GPHN: variants seen among roughly 807,000 people sequenced by gnomAD.
GPHN encodes the protein gephyrin.
GPHN carries 17 observed loss-of-function variants against 95.5 expected under a neutral mutation model. The observed-to-expected ratio is 0.18, with a 90% CI of 0.12 to 0.27. The LOEUF (loss-of-function observed/expected upper bound fraction) is 0.27, where lower values mean the gene tolerates loss of function less well. Among genes scored for constraint, GPHN ranks in the 10% least tolerant of loss-of-function variants. GPHN has a pLI of 1.00. For missense variants in GPHN, 660 were observed against 978.1 expected (o/e 0.67, Z 4.34); for synonymous variants, 320 against 322.5 (o/e 0.99, Z 0.08).
the GPHN span, among the ~76,000 whole-genome samples, chr14:67,502,076 T>C: frequency 7.3e-4 from 111 of 152,324 alleles, no homozygotes; most frequent in African/African-American, 2.4e-3. Context: ...CTCACACTTG[T>C]AATACCAACA....
chr14:67,327,884 A>G, the GPHN span, among the ~76,000 whole-genome samples: 10 of 152,166 alleles, frequency 6.6e-5, no homozygotes, highest in East Asian at 1.9e-3. Flanking sequence ...AATCCAGTCT[A>G]TCATTGATTT....
At chr14:67,733,341 G>C in the GPHN span, among the ~76,000 whole-genome samples, 1 of 152,166 alleles carries the variant, frequency 6.6e-6, no homozygotes, top group Admixed American at 6.5e-5. Flanking sequence ...CTCCAACTGA[G>C]ATTTGGCATT....
chr14:67,037,404 A>G (rs185334475), intron 10 of GPHN, among the ~76,000 whole-genome samples: 2 of 152,168 alleles, frequency 1.3e-5, no homozygotes, highest in East Asian at 3.9e-4. Context: ...TCTCTTGGAT[A>G]TGATACCAAA....
At chr14:66,798,818 C>A (rs1157907163) in intron 3 of GPHN, among the ~76,000 whole-genome samples, 5 of 146,822 alleles carry the variant, frequency 3.4e-5, no homozygotes, top group Non-Finnish European at 6.1e-5. Flanking sequence ...AATTTGATTT[C>A]TTTCTCCTCT....
At chr14:67,207,934 A>G in the GPHN span, among the ~76,000 whole-genome samples, 1 of 152,204 alleles carries the variant, frequency 6.6e-6, no homozygotes, top group African/African-American at 2.4e-5. Context: ...TTAGATGCCA[A>G]CTGTCTTCTG....
At chr14:67,221,844 C>T in the GPHN span, 32 of 1,607,954 alleles carry the variant, frequency 2.0e-5, no homozygotes, top group Non-Finnish European at 2.7e-5. Context: ...TTATTGTGAT[C>T]CCTGGTATTC....
intron 2 of GPHN, among the ~76,000 whole-genome samples, chr14:66,711,197 C>T (rs1452403542): frequency 6.6e-6 from 1 of 152,146 alleles, no homozygotes; most frequent in African/African-American, 2.4e-5. Context: ...TCCCCCTCCA[C>T]CCTTACTCCC....
the GPHN span, among the ~76,000 whole-genome samples, chr14:67,487,377 C>T: frequency 2.6e-5 from 4 of 152,172 alleles, no homozygotes; most frequent in Non-Finnish European, 2.9e-5. Flanking sequence ...CTGGGATGGT[C>T]CTGGACAATC....
chr14:66,685,386 A>G (rs889917265), intron 2 of GPHN, among the ~76,000 whole-genome samples: 7 of 152,112 alleles, frequency 4.6e-5, no homozygotes, highest in African/African-American at 9.7e-5. Flanking sequence ...AAGTGTTCCT[A>G]TTTCTCCACA....
At chr14:67,534,757 TAGGGGA>T in the GPHN span, among the ~76,000 whole-genome samples, 1 of 151,704 alleles carries the variant, frequency 6.6e-6, no homozygotes, top group African/African-American at 2.4e-5. Flanking sequence ...TCACCAGCTG[TAGGGGA>T]GAGCATGTTC....
chr14:67,532,725 T>G, the GPHN span, among the ~76,000 whole-genome samples: 1 of 152,182 alleles, frequency 6.6e-6, no homozygotes, highest in Non-Finnish European at 1.5e-5. Flanking sequence ...GTAACTTATT[T>G]TTTCTTTTTC....
intron 1 of GPHN, among the ~76,000 whole-genome samples, chr14:66,647,299 G>A (rs192328681): frequency 9.0e-4 from 135 of 149,698 alleles, no homozygotes; most frequent in Middle Eastern, 3.4e-3. Context: ...GTCATCTAGT[G>A]TGCTTAAGAT....
At chr14:67,070,619 C>A (rs2076248724) in intron 11 of GPHN, among the ~76,000 whole-genome samples, 2 of 144,520 alleles carry the variant, frequency 1.4e-5, no homozygotes, top group Admixed American at 7.0e-5. Context: ...TTGTTTGAAC[C>A]CGGGAGGTGG....
chr14:67,390,591 C>T, the GPHN span: 15 of 1,080,166 alleles, frequency 1.4e-5, no homozygotes, highest in Middle Eastern at 2.7e-4. Context: ...GCCAGCTGCC[C>T]GCCATGCCAG....
At chr14:67,722,784 A>AGAAGAGAAAGG in the GPHN span, 3 of 1,247,786 alleles carry the variant, frequency 2.4e-6, no homozygotes, top group African/African-American at 4.4e-5. Context: ...AGCTGCTGAA[A>AGAAGAGAAAGG]GAAGAGAAAG....
At chr14:66,645,657 A>G (rs1044690826) in intron 1 of GPHN, among the ~76,000 whole-genome samples, 1 of 146,672 alleles carries the variant, frequency 6.8e-6, no homozygotes, top group Non-Finnish European at 1.5e-5. Context: ...ATGCCATTAT[A>G]CTCCAGCTTG....
At chr14:66,858,080 A>G (rs1021087563) in intron 4 of GPHN, among the ~76,000 whole-genome samples, 4 of 152,176 alleles carry the variant, frequency 2.6e-5, no homozygotes, top group African/African-American at 9.7e-5. Context: ...ATAAATTTGA[A>G]AGGCAGTCTG....
intron 4 of GPHN, among the ~76,000 whole-genome samples, chr14:66,828,702 A>G (rs1181744621): frequency 6.6e-6 from 1 of 152,164 alleles, no homozygotes. Context: ...GGATGAATGA[A>G]AAAAAACAAT....
chr14:66,918,805 T>C lies in GPHN; in HGVS notation c.456+2736T>C, dbSNP rs111503385. On this transcript the variant is annotated intron_variant, in intron 6 of 22. Transcript: ENST00000478722. ...AGACCAGACCTCTCCTCGGTCAAGG[T>C]TAAATTCTTTACCACACAATCTTTA... Among the ~76,000 whole-genome samples, 182 of 152,260 alleles carry C rather than the reference T, an allele frequency of 1.2e-3. 1 individual carries two copies. Among genetic ancestry groups the C allele is most frequent in the African/African-American group, 4.3e-3 (180 of 41,554 alleles).
Sources: gnomAD v4.1 joint callset for allele counts (sites outside exome capture counted in the v4.1 genomes callset) on GRCh38, gnomAD v4.1.1 for gene constraint, MANE v1.5 for transcripts, NCBI Gene and HGNC (gene_info 2026-07-23, HGNC 2026-07-21) for gene names.